TUSC3: variants seen among roughly 807,000 people sequenced by gnomAD.
TUSC3 encodes dolichyl-diphosphooligosaccharide--protein glycosyltransferase subunit TUSC3.
A neutral mutation model predicts 44.8 loss-of-function variants in TUSC3; 45 were observed. The observed-to-expected ratio is 1.00, with a 90% CI of 0.79 to 1.29. TUSC3 has a LOEUF of 1.29. TUSC3 is among the 50% of genes most tolerant of loss of function. The pLI is 0.00. For missense variants in TUSC3, 519 were observed against 437.9 expected (o/e 1.19, Z -1.65); for synonymous variants, 212 against 152.9 (o/e 1.39, Z -2.85).
intron 2 of TUSC3, among the ~76,000 whole-genome samples, chr8:15,632,261 CT>C (rs202242631): frequency 6.6e-6 from 1 of 151,404 alleles, no homozygotes; most frequent in Admixed American, 6.6e-5. Context: ...ATGATGGTGA[CT>C]TTTTTTTTCC....
chr8:15,552,929 G>A (rs1563285980), intron 1 of TUSC3, among the ~76,000 whole-genome samples: 1 of 151,668 alleles, frequency 6.6e-6, no homozygotes, highest in African/African-American at 2.4e-5. Context: ...TTGTGGCAGT[G>A]AGAATGAAGA....
chr8:15,588,817 TC>T (rs1270962580), intron 1 of TUSC3, among the ~76,000 whole-genome samples: 1 of 152,164 alleles, frequency 6.6e-6, no homozygotes, highest in African/African-American at 2.4e-5. Context: ...GGGTGTCCTT[TC>T]CCCCAGTGTT....
chr8:15,749,110 A>C lies in TUSC3; in HGVS notation c.1028+645A>C, dbSNP rs569423221. Reference sequence around the variant, plus strand: ...CATTCTTGAGCTTTTTCCTCCTTCAAGTTTTCTTAAATAACTTAACATTTT... The same window carrying C: ...CATTCTTGAGCTTTTTCCTCCTTCACGTTTTCTTAAATAACTTAACATTTT... On this transcript the variant is annotated intron_variant, in intron 9 of 10. Transcript: ENST00000503731. 7.9e-5 allele frequency among the ~76,000 whole-genome samples: 8 copies of C among 101,172 alleles called. 1 individual carries two copies. Among genetic ancestry groups the C allele is most frequent in the Middle Eastern group, 5.3e-3 (1 of 188 alleles). The allele number at this position is 101,172 out of a possible 152,430, so 66.4% of individuals were successfully genotyped here. A position where few individuals can be genotyped will look rare whatever the true frequency, so the allele number is the denominator to read the frequency against.
intron 9 of TUSC3, among the ~76,000 whole-genome samples, chr8:15,756,602 G>A (rs561227512): frequency 7.4e-4 from 113 of 152,200 alleles, no homozygotes; most frequent in Non-Finnish European, 1.2e-3. Context: ...AAAGTGCTAA[G>A]CACATAGTAG....
At chr8:15,832,343 C>T in the TUSC3 span, among the ~76,000 whole-genome samples, 2 of 152,142 alleles carry the variant, frequency 1.3e-5, no homozygotes, top group East Asian at 3.9e-4. Flanking sequence ...CTGAAGTACA[C>T]AGACCTGTGA....
intron 1 of TUSC3, among the ~76,000 whole-genome samples, chr8:15,426,616 T>C (rs567409937): frequency 1.3e-5 from 2 of 152,324 alleles, no homozygotes; most frequent in African/African-American, 2.4e-5. Context: ...CTGCATTATA[T>C]GTTATTTCCC....
chr8:15,828,799 C>T, the TUSC3 span, among the ~76,000 whole-genome samples: 1 of 152,100 alleles, frequency 6.6e-6, no homozygotes, highest in Non-Finnish European at 1.5e-5. Context: ...ATCTAACAAA[C>T]TCTCTAAGGC....
At chr8:15,788,664 A>T in the TUSC3 span, among the ~76,000 whole-genome samples, 1 of 152,172 alleles carries the variant, frequency 6.6e-6, no homozygotes, top group Non-Finnish European at 1.5e-5. Flanking sequence ...AAGGAAGAGT[A>T]CTATCAGGTG....
rs1812325290 is a variant in TUSC3 at position 15,766,347 on chromosome 8, T to C, written c.*2191T>C. 1 of 152,020 alleles carries C rather than the reference T, an allele frequency of 6.6e-6. No individual in the cohort carries two copies. Among genetic ancestry groups the C allele is most frequent in the Admixed American group, 6.6e-5 (1 of 15,244 alleles). The allele number at this position is 152,020 out of a possible 1,614,324, so 9.4% of individuals were successfully genotyped here. A position where few individuals can be genotyped will look rare whatever the true frequency, so the allele number is the denominator to read the frequency against. On this transcript the variant is annotated 3_prime_UTR_variant, in exon 11 of 11. Coordinates refer to ENST00000503731, the MANE Select transcript of TUSC3 (RefSeq NM_006765.4). Reference sequence around the variant, plus strand: ...TGCTTGCAGAATGTAACGTGCAAAATCACATACATGCGATGTATTTACCTT... The same window carrying C: ...TGCTTGCAGAATGTAACGTGCAAAACCACATACATGCGATGTATTTACCTT...
At chr8:15,809,997 C>T in the TUSC3 span, among the ~76,000 whole-genome samples, 1 of 152,186 alleles carries the variant, frequency 6.6e-6, no homozygotes, top group Non-Finnish European at 1.5e-5. Context: ...AGTTCTGAGA[C>T]AGACAGAGAT....
intron 1 of TUSC3, among the ~76,000 whole-genome samples, chr8:15,439,170 A>G (rs547862122): frequency 2.8e-4 from 43 of 152,296 alleles, no homozygotes; most frequent in African/African-American, 8.9e-4. Flanking sequence ...ACCTATCACA[A>G]TTGCTTTCAC....
At chr8:15,802,288 T>C in the TUSC3 span, among the ~76,000 whole-genome samples, 3 of 152,366 alleles carry the variant, frequency 2.0e-5, no homozygotes, top group East Asian at 5.8e-4. Context: ...ACATGCCTTC[T>C]TTCTTGTCAA....
At chr8:15,423,193 T>C (rs1799759972) in intron 1 of TUSC3, among the ~76,000 whole-genome samples, 1 of 152,176 alleles carries the variant, frequency 6.6e-6, no homozygotes, top group African/African-American at 2.4e-5. Flanking sequence ...CAAGCACAGG[T>C]TCAGTGCATA....
At chr8:15,561,351 G>C (rs1039392660) in intron 1 of TUSC3, among the ~76,000 whole-genome samples, 14 of 145,134 alleles carry the variant, frequency 9.6e-5, no homozygotes, top group Non-Finnish European at 1.7e-4. Context: ...TGAGGAGGCA[G>C]TCTGCCAGTT....
At chr8:15,661,166 G>GC (rs2129179666) in intron 4 of TUSC3, among the ~76,000 whole-genome samples, 1 of 151,998 alleles carries the variant, frequency 6.6e-6, no homozygotes, top group Admixed American at 6.6e-5. Context: ...AAAGAAATAA[G>GC]CAAAGCAGTT....
At chr8:15,465,396 T>C (rs1052055225) in intron 1 of TUSC3, among the ~76,000 whole-genome samples, 1 of 152,178 alleles carries the variant, frequency 6.6e-6, no homozygotes, top group African/African-American at 2.4e-5. Flanking sequence ...CCAGCAGATT[T>C]GTATTCTGAA....
the TUSC3 span, among the ~76,000 whole-genome samples, chr8:15,798,511 G>C: frequency 1.3e-5 from 2 of 152,126 alleles, no homozygotes; most frequent in South Asian, 2.1e-4. Context: ...AAAGAGTGAA[G>C]GATAGTACAG....
rs1418810298 is a variant in TUSC3 at position 15,591,419 on chromosome 8, G to A, written c.139-31661G>A. Among the ~76,000 whole-genome samples, 3 of 152,218 alleles carry A rather than the reference G, an allele frequency of 2.0e-5. No homozygotes were observed. The East Asian group carries it at 5.8e-4, about 29-fold the overall frequency. ...TTAATCTATTCATTTATTAATTTCT[G>A]TACCAAAATATCTGTTGGGTAGTTA... On this transcript the variant is annotated intron_variant, in intron 1 of 10. Transcript: ENST00000503731.
At chr8:15,523,723 T>TAC (rs1801334944) in intron 2 of TUSC3, among the ~76,000 whole-genome samples, 1 of 134,282 alleles carries the variant, frequency 7.4e-6, no homozygotes, top group Non-Finnish European at 1.6e-5. Flanking sequence ...TATATATATA[T>TAC]ATAAAGTAGT....
Sources: allele counts gnomAD v4.1 joint callset (sites outside exome capture counted in the v4.1 genomes callset), GRCh38; gene constraint gnomAD v4.1.1; transcripts MANE v1.5; gene names NCBI Gene and HGNC (gene_info 2026-07-23, HGNC 2026-07-21).